ITGA9: variants seen among roughly 807,000 people sequenced by gnomAD.
ITGA9 encodes integrin subunit alpha 9.
ITGA9 carries 56 observed loss-of-function variants against 127.8 expected under a neutral mutation model. That is an observed-to-expected ratio of 0.44 (90% CI 0.35 to 0.55). The LOEUF (loss-of-function observed/expected upper bound fraction) is 0.55. Among genes scored for constraint, ITGA9 ranks in the 20% least tolerant of loss-of-function variants. ITGA9 has a pLI of 0.00. For missense variants in ITGA9, 1,196 were observed against 1,347.1 expected, an observed-to-expected ratio of 0.89 and a Z score of 1.76; for synonymous variants, 508 against 514.5, an observed-to-expected ratio of 0.99 and a Z score of 0.17.
chr3:37,637,040 G>A (rs972476866), intron 16 of ITGA9, among the ~76,000 whole-genome samples: 1 of 152,202 alleles, frequency 6.6e-6, no homozygotes, highest in Non-Finnish European at 1.5e-5. Context: ...CTGTAGCCTT[G>A]TAGTATAATT....
At chr3:37,543,220 A>C (rs555934233) in intron 15 of ITGA9, among the ~76,000 whole-genome samples, 1 of 152,322 alleles carries the variant, frequency 6.6e-6, no homozygotes, top group East Asian at 1.9e-4. Flanking sequence ...AGGCGCTGGC[A>C]GGGTGGAAGA....
At chr3:37,661,779 A>C (rs748462523) in intron 17 of ITGA9, among the ~76,000 whole-genome samples, 4 of 152,238 alleles carry the variant, frequency 2.6e-5, no homozygotes, top group Admixed American at 6.5e-5. Context: ...TGAGCAGAGC[A>C]AGAGGCTGGG....
intron 15 of ITGA9, among the ~76,000 whole-genome samples, chr3:37,578,491 C>CCATT (rs1204687575): frequency 6.6e-6 from 1 of 152,174 alleles, no homozygotes; most frequent in Non-Finnish European, 1.5e-5. Flanking sequence ...TCTTGACTTG[C>CCATT]CATTCCCTTA....
chr3:37,495,481 T>A (rs1698718438), intron 5 of ITGA9, among the ~76,000 whole-genome samples: 1 of 152,214 alleles, frequency 6.6e-6, no homozygotes. Flanking sequence ...TGTCTATCCA[T>A]GTGGTTGCTC....
intron 15 of ITGA9, among the ~76,000 whole-genome samples, chr3:37,549,916 G>A (rs1375131843): frequency 6.6e-6 from 1 of 152,218 alleles, no homozygotes; most frequent in Non-Finnish European, 1.5e-5. Flanking sequence ...ATTAAAGAAT[G>A]TAGTAATTAA....
In ITGA9 at chr3:37,766,838, C is replaced by T. The variant is rs186429865; in HGVS notation, c.2542-10554C>T. Among the ~76,000 whole-genome samples, 11 of 151,610 alleles carry T rather than the reference C, an allele frequency of 7.3e-5. No individual in the cohort carries two copies. The East Asian group carries it at 1.6e-3, about 21-fold the overall frequency. ...GTGCTCAGATAACATATTTATGTAT[C>T]GCTTTTTCACTAAAGAGAATCTGAC... is the stretch of plus-strand genomic sequence containing the variant. On this transcript the variant is annotated intron_variant, in intron 23 of 27. Transcript: ENST00000264741.
chr3:37,816,156 G>T (rs1697429902), intron 27 of ITGA9, among the ~76,000 whole-genome samples: 1 of 152,168 alleles, frequency 6.6e-6, no homozygotes. Flanking sequence ...GGTGTGGAGG[G>T]TATGTGGGCA....
chr3:37,693,257 G>T (rs1157991129), intron 18 of ITGA9, among the ~76,000 whole-genome samples: 2 of 152,140 alleles, frequency 1.3e-5, no homozygotes, highest in Non-Finnish European at 2.9e-5. Context: ...TTTCCTCCAT[G>T]GGAGGGTATT....
At chr3:37,560,109 A>AC (rs1268430256) in intron 15 of ITGA9, among the ~76,000 whole-genome samples, 4 of 136,790 alleles carry the variant, frequency 2.9e-5, no homozygotes, top group African/African-American at 1.1e-4. Flanking sequence ...CCAGCCCGCC[A>AC]CCCCCCGACA....
chr3:37,503,038 C>A, intron 5 of ITGA9, 140 bp from the exon 6 acceptor site: 1 of 836,714 alleles, frequency 1.2e-6, no homozygotes, highest in Non-Finnish European at 2.0e-6. Flanking sequence ...CTGGTGAAAT[C>A]TGTTTTTGTT....
intron 15 of ITGA9, among the ~76,000 whole-genome samples, chr3:37,590,586 C>T (rs1258047416): frequency 6.6e-6 from 1 of 151,628 alleles, no homozygotes; most frequent in African/African-American, 2.4e-5. Context: ...GTGGTGTAGA[C>T]CTCAGTCCAG....
At chr3:37,772,087 CT>C (rs367678779) in intron 23 of ITGA9, among the ~76,000 whole-genome samples, 1 of 152,216 alleles carries the variant, frequency 6.6e-6, no homozygotes, top group African/African-American at 2.4e-5. Flanking sequence ...CTCCTGTTGC[CT>C]CTCAGCTTGC....
chr3:37,741,161 A>G (rs1003054144), intron 20 of ITGA9, among the ~76,000 whole-genome samples: 12 of 152,134 alleles, frequency 7.9e-5, no homozygotes, highest in African/African-American at 1.9e-4. Flanking sequence ...ACCCTTCCCA[A>G]TCTATCCGCA....
intron 17 of ITGA9, among the ~76,000 whole-genome samples, chr3:37,657,431 G>A (rs1700489196): frequency 6.6e-6 from 1 of 152,152 alleles, no homozygotes; most frequent in Non-Finnish European, 1.5e-5. Context: ...GGGTGTATGT[G>A]TCCAGGAATT....
chr3:37,501,102 G>T (rs1006192614), intron 5 of ITGA9, among the ~76,000 whole-genome samples: 1 of 152,046 alleles, frequency 6.6e-6, no homozygotes, highest in Non-Finnish European at 1.5e-5. Flanking sequence ...AATAGTAGGT[G>T]CCCAATAAAC....
Position 37,512,057 on chromosome 3 carries a change from T to C in ITGA9, c.898-1706T>C, listed in dbSNP as rs1246886213. On this transcript the variant is annotated intron_variant, in intron 8 of 27. Coordinates refer to ENST00000264741, the MANE Select transcript of ITGA9 (RefSeq NM_002207.3). ...CTTTCTTTCTTTCTTTCTTTCTTTC[T>C]TTCTTTCTTTCTTTCTTTCCTTCCT... is the stretch of plus-strand genomic sequence containing the variant. 1.2e-3 allele frequency among the ~76,000 whole-genome samples: 87 copies of C among 71,394 alleles called. 1 individual carries two copies. The highest frequency in any genetic ancestry group is 3.1e-3 in the African/African-American group (68 of 21,866). The allele number at this position is 71,394 out of a possible 152,430, so 46.8% of individuals were successfully genotyped here.
At chr3:37,730,174 CTT>C (rs1179121550) in intron 18 of ITGA9, among the ~76,000 whole-genome samples, 1 of 152,130 alleles carries the variant, frequency 6.6e-6, no homozygotes, top group Non-Finnish European at 1.5e-5. Flanking sequence ...CACACATACA[CTT>C]ATATATATTT....
intron 23 of ITGA9, among the ~76,000 whole-genome samples, chr3:37,761,878 C>G (rs530351224): frequency 3.0e-4 from 46 of 152,318 alleles, no homozygotes; most frequent in African/African-American, 1.1e-3. Context: ...ATGGCAACTC[C>G]TAGAAGTTAC....
Position 37,814,560 on chromosome 3 carries a change from TC to T in ITGA9, c.3010-4326del. Among the ~76,000 whole-genome samples the T allele has an allele frequency of 6.6e-6, 1 of 151,706 alleles. No individual in the cohort carries two copies. Among genetic ancestry groups the T allele is most frequent in the Non-Finnish European group, 1.5e-5 (1 of 67,896 alleles). On this transcript the variant is annotated intron_variant, in intron 27 of 27. Transcript: ENST00000264741. This position sits in a 1 kb window ranked among gnomAD's most constrained non-coding sequence, Gnocchi z 4.3. ...AGCCTGGCAACAGAGCGAGACTCCA[TC>T]CCCCACCCCCCCAAAAAAGAAACAA... is the stretch of plus-strand genomic sequence containing the variant.
Sources: allele counts gnomAD v4.1 joint callset (sites outside exome capture counted in the v4.1 genomes callset), GRCh38; gene constraint gnomAD v4.1.1; non-coding constraint Gnocchi (gnomAD v3.1); transcripts MANE v1.5; gene names NCBI Gene and HGNC (gene_info 2026-07-23, HGNC 2026-07-21).